The following MIA2 variants were observed in gnomAD, a reference collection of about 807,000 sequenced individuals.
The protein encoded by MIA2 is MIA SH3 domain ER export factor 2, also known as melanoma inhibitory activity protein 2.
In MIA2, 127 loss-of-function variants were observed where a neutral mutation model predicts 167.8. The ratio of observed to expected loss-of-function variants is 0.76; its 90% CI spans 0.66 to 0.88. The LOEUF is 0.88. Ranked by LOEUF, MIA2 falls within the 40% of genes least tolerant of loss-of-function variation. MIA2 has a pLI of 0.00. For synonymous variants in MIA2, 552 were observed against 541.9 expected, an observed-to-expected ratio of 1.02 and a Z score of -0.26; for missense variants, 1,690 against 1,624.7, an observed-to-expected ratio of 1.04 and a Z score of -0.69.
At chr14:39,320,824 T>C (rs1223469663) in intron 23 of MIA2, 104 bp from the exon 24 acceptor site, 14 of 1,244,302 alleles carry the variant, frequency 1.1e-5, no homozygotes, top group Middle Eastern at 2.5e-4. Context: ...TAAACTTAAA[T>C]TGGCAATAGG....
chr14:39,353,423 A>G (rs192081670), downstream of MIA2, among the ~76,000 whole-genome samples: 42 of 152,200 alleles, frequency 2.8e-4, no homozygotes, highest in Admixed American at 5.9e-4. Flanking sequence ...TAACTCCCCC[A>G]TATGAGTGAG....
chr14:39,386,720 A>G, intron 23 of MIA2: 1 of 1,334,600 alleles, frequency 7.5e-7, no homozygotes, highest in Non-Finnish European at 1.1e-6. Context: ...GCTTCTTTGA[A>G]TATTTGTAAT....
chr14:39,314,611 T>G (rs2064987513), intron 19 of MIA2, 128 bp from the exon 20 acceptor site: 1 of 112,102 alleles, frequency 8.9e-6, no homozygotes, highest in Non-Finnish European at 1.4e-5. Flanking sequence ...AGTTCTGGAG[T>G]TTTTTTTTTT....
intron 10 of MIA2, among the ~76,000 whole-genome samples, chr14:39,292,199 T>A (rs1638833291): frequency 6.6e-6 from 1 of 152,174 alleles, no homozygotes; most frequent in Non-Finnish European, 1.5e-5. Flanking sequence ...TTATGTTTGA[T>A]AAAAAAATTT....
At chr14:39,280,862 G>A (rs2058809463) in intron 9 of MIA2, among the ~76,000 whole-genome samples, 1 of 149,336 alleles carries the variant, frequency 6.7e-6, no homozygotes, top group South Asian at 2.1e-4. Context: ...TCCTTATTGG[G>A]GTTTATGATG....
At chr14:39,272,453 G>A (rs559936373) in intron 6 of MIA2, among the ~76,000 whole-genome samples, 1 of 152,336 alleles carries the variant, frequency 6.6e-6, no homozygotes, top group African/African-American at 2.4e-5. Flanking sequence ...AAGAAGGCAA[G>A]TTCTCAATCT....
Position 39,317,981 on chromosome 14 carries a change from T to A in MIA2, c.3254T>A (p.Leu1085Ter). 1 of 1,583,986 alleles carries A rather than the reference T, an allele frequency of 6.3e-7. No individual in the cohort carries two copies. The highest frequency in any genetic ancestry group is 2.3e-5 in the East Asian group (1 of 43,414). The change falls in exon 22 of 29, where the codon TTA (leucine) becomes TAA (stop). Residue 1085 changes from leucine to a stop codon, truncating the protein, a stop_gained. Transcript: ENST00000640607. LOFTEE classifies it high-confidence loss of function. ...ARNAERNLND[L>*]RKENAHNRQK... ...AATGCTGAAAGAAACCTCAATGATT[T>A]AAGGAAAGAAAATGCTCACAACAGA...
intron 23 of MIA2, among the ~76,000 whole-genome samples, chr14:39,374,346 A>AAT (rs1470271578): frequency 2.0e-5 from 3 of 152,348 alleles, no homozygotes; most frequent in African/African-American, 7.2e-5. Flanking sequence ...CAGCAGGACA[A>AAT]ATTACCTATA....
At chr14:39,377,596 ATAATT>A (rs977620436) in intron 23 of MIA2, among the ~76,000 whole-genome samples, 1 of 152,242 alleles carries the variant, frequency 6.6e-6, no homozygotes, top group Non-Finnish European at 1.5e-5. Flanking sequence ...CAGGTATACT[ATAATT>A]TAATTTGAAC....
chr14:39,259,351 A>C (rs1407327445), intron 6 of MIA2, among the ~76,000 whole-genome samples: 1 of 143,004 alleles, frequency 7.0e-6, no homozygotes, highest in East Asian at 1.9e-4. Flanking sequence ...CCAGCCAAGG[A>C]GGCAGATTTT....
chr14:39,288,895 G>T (rs573965602), intron 9 of MIA2, among the ~76,000 whole-genome samples: 7 of 152,240 alleles, frequency 4.6e-5, no homozygotes, highest in Non-Finnish European at 7.4e-5. Flanking sequence ...GTTCATCAGA[G>T]ATATTGACCT....
At chr14:39,385,121 C>T (rs544005679) in intron 23 of MIA2, among the ~76,000 whole-genome samples, 20 of 152,154 alleles carry the variant, frequency 1.3e-4, no homozygotes, top group African/African-American at 4.6e-4. Context: ...GCCAAAACAT[C>T]TAAAAAAAGA....
At chr14:39,289,288 C>A (rs1156576479) in intron 9 of MIA2, among the ~76,000 whole-genome samples, 1 of 151,612 alleles carries the variant, frequency 6.6e-6, no homozygotes, top group African/African-American at 2.4e-5. Context: ...GATCTCGACT[C>A]ACTGCAACTT....
chr14:39,309,808 C>G (rs187535975), intron 18 of MIA2, among the ~76,000 whole-genome samples: 135 of 152,260 alleles, frequency 8.9e-4, no homozygotes, highest in Admixed American at 2.4e-3. Context: ...AATATATGTA[C>G]AAATATGTTC....
Position 39,333,460 on chromosome 14 carries a change from C to T in MIA2, c.3655+6438C>T, listed in dbSNP as rs143571963. On this transcript the variant is annotated intron_variant, in intron 25 of 28. Transcript: ENST00000640607. ...CCATAGACTTGGGCAGAGATTGTAC[C>T]CAGAATATTGGGCTCTACCTTTGCG... 6.7e-3 allele frequency among the ~76,000 whole-genome samples: 1,012 copies of T among 152,056 alleles called. 6 individuals are homozygous for T. The highest frequency in any genetic ancestry group is 0.023 in the African/African-American group (961 of 41,394).
At chr14:39,267,260 T>A in intron 6 of MIA2, 2 of 1,409,380 alleles carry the variant, frequency 1.4e-6, no homozygotes, top group South Asian at 3.1e-5. Context: ...AACAAGAGGG[T>A]CGGGATGGGC....
intron 23 of MIA2, among the ~76,000 whole-genome samples, chr14:39,380,976 C>T (rs1270645319): frequency 6.6e-5 from 10 of 150,432 alleles, no homozygotes; most frequent in African/African-American, 4.9e-5. Context: ...CTTTCTTAAA[C>T]ACCCAAGAGC....
intron 25 of MIA2, among the ~76,000 whole-genome samples, chr14:39,337,724 CT>C (rs957492691): frequency 2.7e-5 from 4 of 149,664 alleles, no homozygotes; most frequent in Admixed American, 6.7e-5. Flanking sequence ...ATATAACATT[CT>C]TTTTTTTTTC....
intron 6 of MIA2, among the ~76,000 whole-genome samples, chr14:39,269,648 T>G (rs577979101): frequency 6.6e-6 from 1 of 151,900 alleles, no homozygotes; most frequent in East Asian, 1.9e-4. Flanking sequence ...GCCTCCTGAA[T>G]AGGTGGGACC....
Sources: allele counts gnomAD v4.1 joint callset (sites outside exome capture counted in the v4.1 genomes callset), GRCh38; gene constraint gnomAD v4.1.1; transcripts MANE v1.5; gene names NCBI Gene and HGNC (gene_info 2026-07-23, HGNC 2026-07-21).